UCKL1: variants seen among roughly 807,000 people sequenced by gnomAD.
UCKL1 encodes the protein uridine-cytidine kinase-like 1.
In UCKL1, 65 loss-of-function variants were observed where a neutral mutation model predicts 59.2. The observed-to-expected ratio is 1.10, with a 90% CI of 0.90 to 1.35. The LOEUF (loss-of-function observed/expected upper bound fraction) is 1.35, where lower values mean the gene tolerates loss of function less well. UCKL1 is among the 40% of genes most tolerant of loss of function. The pLI is 0.00. For synonymous variants in UCKL1, 410 were observed against 323.1 expected, an observed-to-expected ratio of 1.27 and a Z score of -2.88; for missense variants, 703 against 784.3, an observed-to-expected ratio of 0.90 and a Z score of 1.24.
chr20:63,945,868 C>T lies in UCKL1; in HGVS notation c.519G>A (p.Lys173=), dbSNP rs763223304. 6.8e-6 allele frequency: 11 copies of T among 1,613,748 alleles called. No individual in the cohort carries two copies. The highest frequency in any genetic ancestry group is 2.7e-5 in the African/African-American group (2 of 74,916). ...DLIISTLKKL[K]QGKSVKVPIY... ...TGGGCACCTTGACACTCTTCCCCTG[C>T]TTCAGCTTCTTGAGGGTGGAAATGA... Residue 173 remains lysine, a synonymous_variant, in exon 4 of 15, where the codon AAG becomes AAA. Coordinates refer to ENST00000354216, the MANE Select transcript of UCKL1 (RefSeq NM_017859.4).
At position 63,952,387 on chromosome 20, in the gene UCKL1, C is replaced by T. The variant is rs534604360; in HGVS notation, c.113+3873G>A. Among the ~76,000 whole-genome samples the T allele has an allele frequency of 2.6e-5, 4 of 152,322 alleles. No homozygotes were observed. In the East Asian group the frequency reaches 5.8e-4, roughly 22 times the overall value. On this transcript the variant is annotated intron_variant, in intron 1 of 14. Transcript: ENST00000354216. ...GGCGAGGGACGGAGGAGCCCAGGCA[C>T]GCAGCTGTGAATGGAACCACCAGGC...
At chr20:63,948,012 A>G (rs1252970921) in intron 1 of UCKL1, among the ~76,000 whole-genome samples, 2 of 152,106 alleles carry the variant, frequency 1.3e-5, no homozygotes, top group Non-Finnish European at 2.9e-5. Context: ...GGGGGCATCA[A>G]CGTGGCGCCT....
intron 4 of UCKL1, 35 bp downstream of exon 4, chr20:63,945,770 C>T (rs748577146): frequency 1.5e-5 from 24 of 1,612,550 alleles, no homozygotes; most frequent in East Asian, 2.2e-5. Flanking sequence ...GTGCCTGCAG[C>T]CCCCCGAGGC....
Position 63,956,274 on chromosome 20 carries a change from G to A in UCKL1, c.99C>T (p.Thr33=), listed in dbSNP as rs375256195. The A allele has an allele frequency of 6.4e-7, 1 of 1,552,810 alleles. No homozygotes were observed. Among genetic ancestry groups the A allele is most frequent in the Non-Finnish European group, 8.7e-7 (1 of 1,154,126 alleles). ...TPGRQAEKSE[T]ACEDRSNAES... is the part of the protein sequence containing the mutation. ...CCCACGCCTACCGGTCCTCGCACGC[G>A]GTCTCGCTTTTCTCAGCCTGCCGGC... Residue 33 remains threonine, a synonymous_variant, in exon 1 of 15, where the codon ACC becomes ACT. Transcript: ENST00000354216.
At chr20:63,942,519 G>A in intron 8 of UCKL1, 1 of 1,162,974 alleles carries the variant, frequency 8.6e-7, no homozygotes, top group South Asian at 1.6e-5. Context: ...CATGTTCAGG[G>A]AGGGAACAAG....
At chr20:63,943,475 C>A (rs1209546208) in intron 8 of UCKL1, among the ~76,000 whole-genome samples, 178 bp downstream of exon 8, 2 of 152,226 alleles carry the variant, frequency 1.3e-5, no homozygotes, top group East Asian at 1.9e-4. Context: ...CGTCTCTGTG[C>A]CTCAGTGTCC....
intron 1 of UCKL1, among the ~76,000 whole-genome samples, chr20:63,946,987 G>A (rs1358427951): frequency 6.6e-6 from 1 of 152,136 alleles, no homozygotes; most frequent in African/African-American, 2.4e-5. Context: ...GGGAGGCTGA[G>A]GCAGGAGAAT....
At chr20:63,950,829 T>C in intron 1 of UCKL1, 1 of 1,525,302 alleles carries the variant, frequency 6.6e-7, no homozygotes, top group Non-Finnish European at 8.8e-7. Flanking sequence ...CTGCTCATGG[T>C]CGAGGACACG....
Position 63,954,803 on chromosome 20 carries a change from G to T in UCKL1, c.113+1457C>A, listed in dbSNP as rs1197072036. 3 of 152,224 alleles carry T rather than the reference G, an allele frequency of 2.0e-5. No homozygotes were observed. In the East Asian group the frequency reaches 5.8e-4, roughly 29 times the overall value. The allele number at this position is 152,224 out of a possible 1,614,324, so 9.4% of individuals were successfully genotyped here. ...AGATAACAACAGTCTCTGCCTCGTGGGACACAGCGAGGGCCACCGTGCCCA... is the reference window on the plus strand; with the variant it reads ...AGATAACAACAGTCTCTGCCTCGTGTGACACAGCGAGGGCCACCGTGCCCA... On this transcript the variant is annotated intron_variant, in intron 1 of 14. Transcript: ENST00000354216.
intron 1 of UCKL1, chr20:63,950,696 A>G: frequency 7.0e-7 from 1 of 1,428,374 alleles, no homozygotes. Flanking sequence ...CACAGGTCTG[A>G]GTGGCCAGGA....
chr20:63,948,621 T>TGTGTGAGGGAGGGGGC (rs1569122690), intron 1 of UCKL1: 4 of 69,604 alleles, frequency 5.7e-5, no homozygotes, highest in African/African-American at 2.4e-4. Flanking sequence ...GGGAGGGGCG[T>TGTGTGAGGGAGGGGGC]GTGTGAGAGG....
Position 63,956,388 on chromosome 20 carries a change from C to G in UCKL1, c.-16G>C, listed in dbSNP as rs558027929. The G allele has an allele frequency of 1.7e-5, 24 of 1,444,084 alleles. No individual in the cohort carries two copies. Among genetic ancestry groups the G allele is most frequent in the African/African-American group, 2.9e-5 (2 of 67,910 alleles). 89.5% of individuals were successfully genotyped at this position (1,444,084 alleles called of 1,614,324 possible). On this transcript the variant is annotated 5_prime_UTR_variant, in exon 1 of 15. Coordinates refer to ENST00000354216, the MANE Select transcript of UCKL1 (RefSeq NM_017859.4). The stretch of plus-strand genomic sequence containing the variant: ...GCGCAGCCATGGCGCTCGGAGGCCT[C>G]TTTGCGGGCCTGGCCGGGCGGCGCG...
Position 63,939,907 on chromosome 20 carries a change from T to A in UCKL1, c.*69A>T. On this transcript the variant is annotated 3_prime_UTR_variant, in exon 15 of 15. Coordinates refer to ENST00000354216, the MANE Select transcript of UCKL1 (RefSeq NM_017859.4). Reference sequence around the variant, plus strand: ...TAGTAACATTTTAAAAATTAACATCTTTGTATTCAGCAGTCCTGGGTCAGG... The same window carrying A: ...TAGTAACATTTTAAAAATTAACATCATTGTATTCAGCAGTCCTGGGTCAGG... 7.8e-7 allele frequency: 1 copy of A among 1,279,718 alleles called. No individual in the cohort carries two copies. The highest frequency in any genetic ancestry group is 1.3e-5 in the South Asian group (1 of 79,794). 79.3% of individuals were successfully genotyped at this position (1,279,718 alleles called of 1,614,324 possible).
chr20:63,950,005 T>C (rs1406067232), intron 1 of UCKL1, among the ~76,000 whole-genome samples: 1 of 152,238 alleles, frequency 6.6e-6, no homozygotes, highest in African/African-American at 2.4e-5. Context: ...TTTGTGACTC[T>C]TCCTCATCCT....
In UCKL1 at chr20:63,945,490, C is replaced by T. The variant is rs549528656; in HGVS notation, c.654+161G>A. Among the ~76,000 whole-genome samples, 6 of 152,332 alleles carry T rather than the reference C, an allele frequency of 3.9e-5. No individual in the cohort carries two copies. The South Asian group carries it at 1.2e-3, about 32-fold the overall frequency. On this transcript the variant is annotated intron_variant, in intron 5 of 14. Coordinates refer to ENST00000354216, the MANE Select transcript of UCKL1 (RefSeq NM_017859.4). ...GCCTTTTGGGGCCGGCAGATGGACC[C>T]AGCTGTGGCATGCCTGGGGTTGGGG...
chr20:63,943,290 G>C (rs377623583), intron 8 of UCKL1, among the ~76,000 whole-genome samples: 10 of 152,316 alleles, frequency 6.6e-5, no homozygotes, highest in African/African-American at 2.4e-4. Flanking sequence ...CAGGCTCCCT[G>C]GCTGCTGGGA....
At position 63,940,183 on chromosome 20, in the gene UCKL1, C is replaced by T; in HGVS notation, c.1534G>A (p.Val512Ile). 5 of 1,612,776 alleles carry T rather than the reference C, an allele frequency of 3.1e-6. No individual in the cohort carries two copies. Among genetic ancestry groups the T allele is most frequent in the Non-Finnish European group, 4.2e-6 (5 of 1,179,976 alleles). The change falls in exon 14 of 15, where the codon GTC (valine) becomes ATC (isoleucine). Residue 512 changes from valine (V) to isoleucine (I), a missense_variant. Transcript: ENST00000354216. ...GGGATGATGCGGAAAAGGTCATTGA[C>T]CCGCTTGTCCACCGCCGTGGTGATG... is the stretch of plus-strand genomic sequence containing the variant. ...RIITTAVDKR[V>I]NDLFRIIPGI...
Position 63,945,730 on chromosome 20 carries a change from G to A in UCKL1, c.583-8C>T, listed in dbSNP as rs775479088. ...TGCACCATACAGTGTTTTCTGTGAA[G>A]AAACCCAGGAGTTGCGGAGCCTGGC... On this transcript the variant is annotated splice_polypyrimidine_tract_variant and splice_region_variant and intron_variant, in intron 4 of 14. Coordinates refer to ENST00000354216, the MANE Select transcript of UCKL1 (RefSeq NM_017859.4). 2 of 1,612,918 alleles carry A rather than the reference G, an allele frequency of 1.2e-6. No homozygotes were observed. The highest frequency in any genetic ancestry group is 2.2e-5 in the East Asian group (1 of 44,852).
Position 63,944,644 on chromosome 20 carries a change from T to A in UCKL1, c.745A>T (p.Ile249Phe). Residue 249 changes from isoleucine (I) to phenylalanine (F), a missense_variant, in exon 6 of 15, where the codon ATC becomes TTC. Ile to Phe is a conservative substitution (Grantham distance 21). Around this residue, in one of 4 missense-constraint regions of UCKL1, gnomAD observed 398 missense variants for 373.0 expected, o/e 1.07. Coordinates refer to ENST00000354216, the MANE Select transcript of UCKL1 (RefSeq NM_017859.4). ...TTGTACTGCTTGATGACACCCTCGATGTCCCGGCCGCGCTCACTGATGTCC... is the reference window on the plus strand; with the variant it reads ...TTGTACTGCTTGATGACACCCTCGAAGTCCCGGCCGCGCTCACTGATGTCC... Reference protein sequence around the residue: ...RRDISERGRDIEGVIKQYNKF... With the variant: ...RRDISERGRDFEGVIKQYNKF... 1.2e-6 allele frequency: 2 copies of A among 1,613,002 alleles called. No homozygotes were observed. Among genetic ancestry groups the A allele is most frequent in the Non-Finnish European group, 1.7e-6 (2 of 1,179,952 alleles).
Sources: gnomAD v4.1 joint callset for allele counts (sites outside exome capture counted in the v4.1 genomes callset) on GRCh38, gnomAD v4.1.1 for gene constraint, gnomAD v4.1.1 regional missense constraint, MANE v1.5 for transcripts, NCBI Gene and HGNC (gene_info 2026-07-23, HGNC 2026-07-21) for gene names.